Variants in COL19A1 observed in about 807,000 individuals in gnomAD.
COL19A1 encodes collagen alpha-1(XIX) chain.
A neutral mutation model predicts 190.2 loss-of-function variants in COL19A1; 159 were observed. The ratio of observed to expected loss-of-function variants is 0.84; its 90% confidence interval spans 0.73 to 0.95. The LOEUF is 0.95. Among genes scored for constraint, COL19A1 ranks in the 40% least tolerant of loss-of-function variants. The pLI, the probability that COL19A1 is intolerant of heterozygous loss-of-function variation, is 0.00. For missense variants in COL19A1, 1,418 were observed against 1,431.9 expected (o/e 0.99, Z 0.16); for synonymous variants, 509 against 458.9 (o/e 1.11, Z -1.39).
intron 14 of COL19A1, chr6:70,059,868 T>C (rs530366487): frequency 6.6e-6 from 3 of 452,098 alleles, no homozygotes; most frequent in East Asian, 1.2e-4. Flanking sequence ...GCAGACTAAG[T>C]AAATTAAAAA....
intron 44 of COL19A1, among the ~76,000 whole-genome samples, chr6:70,183,695 A>T (rs1043714043): frequency 2.0e-5 from 3 of 152,346 alleles, no homozygotes; most frequent in African/African-American, 7.2e-5. Context: ...AGGTTGGCGA[A>T]CTATGGTTGG....
At position 70,111,989 on chromosome 6, in the gene COL19A1, G is replaced by T. The variant is rs62420153; in HGVS notation, c.1278+9767G>T. Among the ~76,000 whole-genome samples, 1,508 of 152,258 alleles carry T rather than the reference G, an allele frequency of 9.9e-3. 10 individuals are homozygous for T. Among genetic ancestry groups the T allele is most frequent in the Non-Finnish European group, 0.015 (1,009 of 68,008 alleles). Reference sequence around the variant, plus strand: ...ATCTTAAGTCCCAGCAGTGTGCCTTGAAACTTGCATTTTCTTAACTCAGGA... The same window carrying T: ...ATCTTAAGTCCCAGCAGTGTGCCTTTAAACTTGCATTTTCTTAACTCAGGA... On this transcript the variant is annotated intron_variant, in intron 16 of 50. Coordinates refer to ENST00000620364, the MANE Select transcript of COL19A1 (RefSeq NM_001858.6).
At chr6:70,180,377 A>C in intron 43 of COL19A1, 21 bp downstream of exon 43, 1 of 1,614,126 alleles carries the variant, frequency 6.2e-7, no homozygotes, top group Non-Finnish European at 8.5e-7. Context: ...AGTTACTTTC[A>C]TGACAGTTGT....
chr6:70,057,527 T>C (rs1182715057), intron 14 of COL19A1, among the ~76,000 whole-genome samples: 1 of 152,120 alleles, frequency 6.6e-6, no homozygotes, highest in Non-Finnish European at 1.5e-5. Context: ...GATATAAGCA[T>C]TTTAAATAAC....
At chr6:69,991,358 A>C (rs1318754860) in intron 11 of COL19A1, among the ~76,000 whole-genome samples, 1 of 152,124 alleles carries the variant, frequency 6.6e-6, no homozygotes, top group African/African-American at 2.4e-5. Context: ...GAATATATGC[A>C]TGCATGTGTC....
At chr6:69,928,168 A>G in intron 5 of COL19A1, 136 bp downstream of exon 5, 3 of 1,123,852 alleles carry the variant, frequency 2.7e-6, no homozygotes, top group Non-Finnish European at 3.7e-6. Flanking sequence ...CATCAACAAG[A>G]AAATGCAAGT....
chr6:69,925,228 T>G (rs1362840032), intron 4 of COL19A1, among the ~76,000 whole-genome samples: 2 of 152,196 alleles, frequency 1.3e-5, no homozygotes, highest in Non-Finnish European at 2.9e-5. Flanking sequence ...GGTCTAACAT[T>G]TAAGTCTTTA....
At position 69,899,043 on chromosome 6, in the gene COL19A1, C is replaced by A. The variant is rs748670093; in HGVS notation, c.166+21C>A. 4.6e-6 allele frequency: 7 copies of A among 1,510,948 alleles called. No homozygotes were observed. The African/African-American group carries it at 6.9e-5, about 15-fold the overall frequency. The allele number at this position is 1,510,948 out of a possible 1,614,324, so 93.6% of individuals were successfully genotyped here. A position where few individuals can be genotyped will look rare whatever the true frequency, so the allele number is the denominator to read the frequency against. ...TTCAGGTAGGCAATATAATCCTTTG[C>A]AAAGTAATATTTTATGTAAAATTAT... On this transcript the variant is annotated intron_variant, in intron 3 of 50. Transcript: ENST00000620364.
Position 70,209,029 on chromosome 6 carries a change from C to A in COL19A1, c.*1755C>A, listed in dbSNP as rs1768044962. The stretch of plus-strand genomic sequence containing the variant: ...ATTTTATTTATTGTAAGCATTTTGA[C>A]ATTGATTTTTTTTTTTTCGTTTTCT... On this transcript the variant is annotated 3_prime_UTR_variant, in exon 51 of 51. Transcript: ENST00000620364. The A allele has an allele frequency of 6.6e-6, 1 of 152,136 alleles. No individual in the cohort carries two copies. The allele number at this position is 152,136 out of a possible 1,614,324, so 9.4% of individuals were successfully genotyped here. A position where few individuals can be genotyped will look rare whatever the true frequency, so the allele number is the denominator to read the frequency against.
chr6:69,935,481 AT>A (rs1164136278), intron 7 of COL19A1, among the ~76,000 whole-genome samples: 1 of 152,098 alleles, frequency 6.6e-6, no homozygotes, highest in African/African-American at 2.4e-5. Context: ...ATCAAATCAA[AT>A]GAGATGAATG....
At chr6:70,086,119 G>C (rs995973756) in intron 15 of COL19A1, among the ~76,000 whole-genome samples, 41 of 152,074 alleles carry the variant, frequency 2.7e-4, no homozygotes, top group African/African-American at 8.9e-4. Flanking sequence ...ACTAATTGAG[G>C]CTTTGCCCTA....
intron 11 of COL19A1, among the ~76,000 whole-genome samples, chr6:70,016,366 T>TAAAAAAAA (rs752043571): frequency 9.0e-4 from 34 of 37,602 alleles, no homozygotes; most frequent in African/African-American, 4.4e-3. Context: ...TAGAGTATAA[T>TAAAAAAAA]AAAAAAAAAA....
intron 16 of COL19A1, among the ~76,000 whole-genome samples, chr6:70,120,024 G>A (rs1784795726): frequency 6.6e-6 from 1 of 152,214 alleles, no homozygotes; most frequent in African/African-American, 2.4e-5. Context: ...CTGGGAGGCA[G>A]AGGTTGCAGT....
chr6:69,883,741 C>A (rs939797305), intron 2 of COL19A1, among the ~76,000 whole-genome samples: 19 of 152,280 alleles, frequency 1.2e-4, no homozygotes, highest in African/African-American at 4.6e-4. Context: ...CAAGGAATGA[C>A]CTCATCCCCT....
Position 69,956,091 on chromosome 6 carries a change from A to G in COL19A1, c.937-3905A>G, listed in dbSNP as rs1774403821. Among the ~76,000 whole-genome samples the G allele has an allele frequency of 2.6e-5, 4 of 151,988 alleles. No individual in the cohort carries two copies. In the South Asian group the frequency reaches 8.3e-4, roughly 32 times the overall value. ...CCCATCCTGCTTGTTTTCTAGGCAC[A>G]TGCACCTGTATATACATACATACAC... On this transcript the variant is annotated intron_variant, in intron 9 of 50. Transcript: ENST00000620364.
rs1413338589 is a variant in COL19A1, at chr6:69,926,165, A to C, written c.267-1744A>C. Among the ~76,000 whole-genome samples the C allele has an allele frequency of 2.0e-5, 3 of 152,126 alleles. 1 individual carries two copies. The highest frequency in any genetic ancestry group is 4.4e-5 in the Non-Finnish European group (3 of 68,016). ...AGAGAGGGCATCCCTGTCTTGTGCC[A>C]GTTTTCAAAGGGAATGCCTCCAGTT... On this transcript the variant is annotated intron_variant, in intron 4 of 50. Coordinates refer to ENST00000620364, the MANE Select transcript of COL19A1 (RefSeq NM_001858.6).
rs190901566 is a variant in COL19A1, at chr6:69,969,010, T to C, written c.1026+6140T>C. On this transcript the variant is annotated intron_variant, in intron 11 of 50. Coordinates refer to ENST00000620364, the MANE Select transcript of COL19A1 (RefSeq NM_001858.6). ...TCCAGTCCAGCTCTGTAATGGCAGCTGTGTGAACTTGGATATGTTCCTAGC... is the reference window on the plus strand; with the variant it reads ...TCCAGTCCAGCTCTGTAATGGCAGCCGTGTGAACTTGGATATGTTCCTAGC... Among the ~76,000 whole-genome samples, 796 of 152,314 alleles carry C rather than the reference T, an allele frequency of 5.2e-3. 5 individuals carry two copies. Among genetic ancestry groups the C allele is most frequent in the Admixed American group, 5.7e-3 (87 of 15,296 alleles).
intron 15 of COL19A1, among the ~76,000 whole-genome samples, chr6:70,071,354 T>A (rs1412422343): frequency 6.6e-6 from 1 of 152,176 alleles, no homozygotes; most frequent in African/African-American, 2.4e-5. Flanking sequence ...GTTTGAAATT[T>A]TGATTAGTTG....
intron 41 of COL19A1, 69 bp downstream of exon 41, chr6:70,172,086 G>GC (rs1765534454): frequency 1.4e-6 from 2 of 1,439,658 alleles, no homozygotes; most frequent in South Asian, 2.4e-5. Context: ...CACCTAATGT[G>GC]CCAAAAACTG....
Sources: allele counts gnomAD v4.1 joint callset (sites outside exome capture counted in the v4.1 genomes callset), GRCh38; gene constraint gnomAD v4.1.1; transcripts MANE v1.5; gene names NCBI Gene and HGNC (gene_info 2026-07-23, HGNC 2026-07-21).